The following RASAL1 variants were observed in gnomAD, a reference collection of about 807,000 sequenced individuals.
The protein encoded by RASAL1 is RAS protein activator like 1.
A neutral mutation model predicts 96.6 loss-of-function variants in RASAL1; 72 were observed. The ratio of observed to expected loss-of-function variants is 0.75; its 90% CI spans 0.62 to 0.91. The LOEUF is 0.91. Ranked by LOEUF, RASAL1 falls within the 40% of genes least tolerant of loss-of-function variation. RASAL1 has a pLI of 0.00. For missense variants in RASAL1, 1,016 were observed against 1,072.5 expected (o/e 0.95, Z 0.74); for synonymous variants, 405 against 430.4 (o/e 0.94, Z 0.73).
chr12:113,107,612 G>A (rs1440628843), intron 14 of RASAL1: 1 of 434,824 alleles, frequency 2.3e-6, no homozygotes, highest in East Asian at 6.5e-5. Flanking sequence ...GACAGAGCGA[G>A]ACTTGTCTCA....
chr12:113,128,031 T>C, intron 3 of RASAL1, 34 bp downstream of exon 3: 1 of 1,604,574 alleles, frequency 6.2e-7, no homozygotes, highest in Non-Finnish European at 8.5e-7. Flanking sequence ...CTTGGGTCCC[T>C]AACCCACACA....
At chr12:113,117,631 G>C (rs1243390380) in intron 7 of RASAL1, among the ~76,000 whole-genome samples, 1 of 152,098 alleles carries the variant, frequency 6.6e-6, no homozygotes, top group Non-Finnish European at 1.5e-5. Flanking sequence ...ATGATTTTTA[G>C]TATATTCACA....
At chr12:113,124,825 G>A (rs1467839001) in intron 4 of RASAL1, among the ~76,000 whole-genome samples, 1 of 152,184 alleles carries the variant, frequency 6.6e-6, no homozygotes, top group Admixed American at 6.5e-5. Context: ...TTCCCACTGA[G>A]GGAAATAATG....
Position 113,115,826 on chromosome 12 carries a change from T to G in RASAL1, c.850-38A>C, listed in dbSNP as rs1268586439. 1.9e-6 allele frequency: 3 copies of G among 1,611,766 alleles called. No individual in the cohort carries two copies. The East Asian group carries it at 6.7e-5, about 36-fold the overall frequency. On this transcript the variant is annotated intron_variant, in intron 9 of 20. Coordinates refer to ENST00000548055, the MANE Select transcript of RASAL1 (RefSeq NM_001301202.2). The surrounding 1 kb of genome is among the most constrained non-coding windows in gnomAD (Gnocchi z 4.1). The stretch of plus-strand genomic sequence containing the variant: ...GGGAGACAAAGATGACCTCGGCCCC[T>G]GGGACCCCAAAGCAGATGGGCCTAG...
At chr12:113,101,818 C>T in intron 19 of RASAL1, 71 bp downstream of exon 19, 1 of 1,552,908 alleles carries the variant, frequency 6.4e-7, no homozygotes, top group Non-Finnish European at 8.7e-7. Flanking sequence ...TAAATGGACA[C>T]AGCAAGGCCA....
In RASAL1 at chr12:113,115,357, C is replaced by T. The variant is rs1380723674; in HGVS notation, c.1004-93G>A. ...AGGTGGGAGTCATGATTCTTCCAGC[C>T]CCAAGAATCAGGAAGACCCAAAACA... On this transcript the variant is annotated intron_variant, in intron 10 of 20. Transcript: ENST00000548055. The surrounding 1 kb of genome is among the most constrained non-coding windows in gnomAD (Gnocchi z 4.1). 2.3e-6 allele frequency: 3 copies of T among 1,284,364 alleles called. No individual in the cohort carries two copies. Among genetic ancestry groups the T allele is most frequent in the East Asian group, 4.6e-5 (2 of 43,254 alleles). 79.6% of individuals were successfully genotyped at this position (1,284,364 alleles called of 1,614,324 possible).
intron 15 of RASAL1, 139 bp from the exon 16 acceptor site, chr12:113,106,025 T>A: frequency 1.2e-6 from 1 of 854,556 alleles, no homozygotes; most frequent in Non-Finnish European, 1.8e-6. Flanking sequence ...ATGAGCGCGA[T>A]GACTTCAGAC....
At chr12:113,103,372 G>A (rs1386649266) in intron 18 of RASAL1, among the ~76,000 whole-genome samples, 12 of 151,928 alleles carry the variant, frequency 7.9e-5, no homozygotes, top group Non-Finnish European at 2.9e-5. Flanking sequence ...TTGGGAGGCC[G>A]AGGAGGGCTT....
rs1951671110 is a variant in RASAL1 at position 113,130,681 on chromosome 12, A to G, written c.122+204T>C. On this transcript the variant is annotated intron_variant, in intron 2 of 20. Transcript: ENST00000548055. The surrounding 1 kb of genome is among the most constrained non-coding windows in gnomAD (Gnocchi z 5.1). The stretch of plus-strand genomic sequence containing the variant: ...AGTCAGCCCCAGGGAGCCAGCAGGG[A>G]CAGCATTAGGTCCAGAGGGGGAAGG... 6.6e-6 allele frequency among the ~76,000 whole-genome samples: 1 copy of G among 152,136 alleles called. No homozygotes were observed. Among genetic ancestry groups the G allele is most frequent in the South Asian group, 2.1e-4 (1 of 4,826 alleles).
At chr12:113,136,515 A>T (rs566557068), upstream of RASAL1, among the ~76,000 whole-genome samples, 3 of 152,302 alleles carry the variant, frequency 2.0e-5, no homozygotes, top group African/African-American at 7.2e-5. Context: ...GGATTAAATA[A>T]CTTGGCAGAG....
chr12:113,125,669 T>C (rs1470315524), intron 4 of RASAL1, among the ~76,000 whole-genome samples: 1 of 152,206 alleles, frequency 6.6e-6, no homozygotes, highest in East Asian at 1.9e-4. Flanking sequence ...AGTGAACTGC[T>C]ACCTCTTCCA....
rs1333955983 is a variant in RASAL1, at chr12:113,127,880, G to T, written c.237-7C>A. ...GCCGATGATGTCGTCGTGCCTGCAGGAAGGCGGGCACGTGAAGGTCTGAGT... is the reference window on the plus strand; with the variant it reads ...GCCGATGATGTCGTCGTGCCTGCAGTAAGGCGGGCACGTGAAGGTCTGAGT... On this transcript the variant is annotated splice_polypyrimidine_tract_variant and splice_region_variant and intron_variant, in intron 3 of 20. Coordinates refer to ENST00000548055, the MANE Select transcript of RASAL1 (RefSeq NM_001301202.2). The T allele has an allele frequency of 6.2e-7, 1 of 1,612,954 alleles. No homozygotes were observed. Among genetic ancestry groups the T allele is most frequent in the South Asian group, 1.1e-5 (1 of 91,026 alleles).
At chr12:113,100,266 T>G (rs759942698) in intron 20 of RASAL1, among the ~76,000 whole-genome samples, 198 bp from the exon 21 acceptor site, 1 of 152,116 alleles carries the variant, frequency 6.6e-6, no homozygotes, top group African/African-American at 2.4e-5. Context: ...GGGAAGTGCC[T>G]GCGAAGAAAA....
At chr12:113,114,654 G>A in intron 12 of RASAL1, 146 bp downstream of exon 12, 1 of 699,508 alleles carries the variant, frequency 1.4e-6, no homozygotes, top group Non-Finnish European at 2.6e-6. Flanking sequence ...AAGGGCTTGT[G>A]TGTGAGGCTT....
chr12:113,106,589 CTCT>C (rs1950654624), intron 15 of RASAL1, among the ~76,000 whole-genome samples: 2 of 152,226 alleles, frequency 1.3e-5, no homozygotes, highest in South Asian at 4.1e-4. Context: ...GCCTGGCACA[CTCT>C]TCCCCAGGAT....
Position 113,101,914 on chromosome 12 carries a change from G to A in RASAL1, c.2200C>T (p.Leu734=), listed in dbSNP as rs1290269712. 4 of 1,613,960 alleles carry A rather than the reference G, an allele frequency of 2.5e-6. No homozygotes were observed. In the South Asian group the frequency reaches 4.4e-5, roughly 18 times the overall value. Residue 734 remains leucine, a synonymous_variant, in exon 19 of 21, where the codon CTG becomes TTG. Coordinates refer to ENST00000548055, the MANE Select transcript of RASAL1 (RefSeq NM_001301202.2). The part of the protein sequence containing the change: ...DAEAQTVYRQ[L]LLGRDQLRLK... ...CTGAGCTGGTCCCGCCCCAGGAGCA[G>A]CTGCCGATACACTGTCTGGGCCTCA...
intron 13 of RASAL1, among the ~76,000 whole-genome samples, chr12:113,111,625 T>A (rs945960854): frequency 2.0e-5 from 3 of 152,142 alleles, no homozygotes; most frequent in Non-Finnish European, 4.4e-5. Flanking sequence ...ACAGAGTCTA[T>A]CTCTGTCACC....
chr12:113,135,513 T>C lies in RASAL1; in HGVS notation c.-51A>G. ...CAGAAGGGCGCTCAGGTTCCGAGGC[T>C]GGACCAGGGGACGTCTACATGTCAC... is the stretch of plus-strand genomic sequence containing the variant. On this transcript the variant is annotated 5_prime_UTR_variant, in exon 1 of 21. Coordinates refer to ENST00000548055, the MANE Select transcript of RASAL1 (RefSeq NM_001301202.2). This position sits in a 1 kb window ranked among gnomAD's most constrained non-coding sequence, Gnocchi z 5.7. The C allele has an allele frequency of 6.7e-7, 1 of 1,498,272 alleles. No homozygotes were observed. Among genetic ancestry groups the C allele is most frequent in the South Asian group, 1.2e-5 (1 of 83,304 alleles). 92.8% of individuals were successfully genotyped at this position (1,498,272 alleles called of 1,614,324 possible).
intron 13 of RASAL1, among the ~76,000 whole-genome samples, chr12:113,108,807 G>A (rs1950742899): frequency 6.6e-6 from 1 of 151,236 alleles, no homozygotes; most frequent in African/African-American, 2.4e-5. Context: ...ACTTAGGCAG[G>A]ATTTGATTAT....
Sources: allele counts gnomAD v4.1 joint callset (sites outside exome capture counted in the v4.1 genomes callset), GRCh38; gene constraint gnomAD v4.1.1; non-coding constraint Gnocchi (gnomAD v3.1); transcripts MANE v1.5; gene names NCBI Gene and HGNC (gene_info 2026-07-23, HGNC 2026-07-21).